PTPN23: variants seen among roughly 807,000 people sequenced by gnomAD.
The protein encoded by PTPN23 is tyrosine-protein phosphatase non-receptor type 23.
PTPN23 carries 72 observed loss-of-function variants against 156.3 expected under a neutral mutation model. That is an observed-to-expected ratio of 0.46 (90% confidence interval 0.38 to 0.56). The LOEUF (loss-of-function observed/expected upper bound fraction) is 0.56. PTPN23 is among the 20% of genes least tolerant of loss of function. The probability of loss-of-function intolerance (pLI) is 0.00; values close to 1 mark genes in which losing one functional copy is unlikely to be tolerated. For missense variants in PTPN23, 1,974 were observed against 2,171.5 expected, an observed-to-expected ratio of 0.91 and a Z score of 1.81; for synonymous variants, 957 against 899.6, an observed-to-expected ratio of 1.06 and a Z score of -1.14.
intron 1 of PTPN23, among the ~76,000 whole-genome samples, chr3:47,392,118 T>C (rs1704787194): frequency 6.6e-6 from 1 of 152,150 alleles, no homozygotes; most frequent in African/African-American, 2.4e-5. Flanking sequence ...ACTCCTGGGC[T>C]CAAACGATCG....
In PTPN23 at chr3:47,412,695, T is replaced by A. The variant is rs754570814; in HGVS notation, c.4432-11T>A. 2 of 1,597,722 alleles carry A rather than the reference T, an allele frequency of 1.3e-6. No homozygotes were observed. The highest frequency in any genetic ancestry group is 2.7e-5 in the African/African-American group (2 of 74,700). ...TGGGACTCCCTCTCCTCACTCACTC[T>A]GTCTTCTCAGAACCACCTTCCTCAG... On this transcript the variant is annotated splice_polypyrimidine_tract_variant and intron_variant, in intron 24 of 24. Transcript: ENST00000265562.
At chr3:47,386,265 A>G (rs1576209031) in intron 1 of PTPN23, among the ~76,000 whole-genome samples, 1 of 152,084 alleles carries the variant, frequency 6.6e-6, no homozygotes, top group African/African-American at 2.4e-5. Context: ...TCCTGGGTTC[A>G]AGCAGTTCTT....
chr3:47,382,767 C>T (rs1704574783), intron 1 of PTPN23, among the ~76,000 whole-genome samples: 2 of 135,224 alleles, frequency 1.5e-5, no homozygotes, highest in South Asian at 5.0e-4. Flanking sequence ...CAGCTCACTG[C>T]AAGCTCCGCC....
intron 1 of PTPN23, among the ~76,000 whole-genome samples, chr3:47,385,304 G>A (rs1213520380): frequency 2.6e-5 from 4 of 152,134 alleles, no homozygotes; most frequent in South Asian, 4.1e-4. Context: ...GAGCTGTTAC[G>A]TTCATCCCTG....
At chr3:47,386,205 C>T (rs936091090) in intron 1 of PTPN23, among the ~76,000 whole-genome samples, 1 of 151,388 alleles carries the variant, frequency 6.6e-6, no homozygotes, top group Non-Finnish European at 1.5e-5. Flanking sequence ...CGCTCTGTCA[C>T]CCAGGCTGGG....
At chr3:47,412,489 G>T in intron 23 of PTPN23, 25 bp from the exon 24 acceptor site, 1 of 1,612,156 alleles carries the variant, frequency 6.2e-7, no homozygotes, top group South Asian at 1.1e-5. Flanking sequence ...CTGCCCAGCT[G>T]ACCTGGCCAA....
Position 47,406,483 on chromosome 3 carries a change from G to A in PTPN23, c.630G>A (p.Val210=). ...ATTGGGCCCCACCCTGTTCTCAGGT[G>A]GTAGATTACTACAAGGAGGCATGCC... is the stretch of plus-strand genomic sequence containing the variant. The part of the protein sequence containing the change: ...SFLVARISAQ[V]VDYYKEACRA... The change falls in exon 8 of 25, where the codon GTG becomes GTA. Residue 210 remains valine (V), a splice_region_variant and synonymous_variant. Transcript: ENST00000265562. This position sits in a 1 kb window ranked among gnomAD's most constrained non-coding sequence, Gnocchi z 5.8. The A allele has an allele frequency of 6.2e-7, 1 of 1,613,978 alleles. No individual in the cohort carries two copies. The highest frequency in any genetic ancestry group is 8.5e-7 in the Non-Finnish European group (1 of 1,180,002).
Position 47,406,305 on chromosome 3 carries a change from C to T in PTPN23, c.547-20C>T, listed in dbSNP as rs1164277644. 2 of 1,612,618 alleles carry T rather than the reference C, an allele frequency of 1.2e-6. No homozygotes were observed. Among genetic ancestry groups the T allele is most frequent in the Non-Finnish European group, 1.7e-6 (2 of 1,179,632 alleles). On this transcript the variant is annotated intron_variant, in intron 6 of 24. Transcript: ENST00000265562. This position sits in a 1 kb window ranked among gnomAD's most constrained non-coding sequence, Gnocchi z 5.8. Reference sequence around the variant, plus strand: ...GAGGCCTTGGGTGAGCGAGGGAGTGCACCTCACGTGTCGCCCCAGGGCCAG... The same window carrying T: ...GAGGCCTTGGGTGAGCGAGGGAGTGTACCTCACGTGTCGCCCCAGGGCCAG...
At chr3:47,402,711 G>GT (rs1487936503) in intron 2 of PTPN23, among the ~76,000 whole-genome samples, 3 of 151,786 alleles carry the variant, frequency 2.0e-5, no homozygotes, top group African/African-American at 7.3e-5. Flanking sequence ...GGGTTTTTTT[G>GT]TTTTTTCTTT....
chr3:47,413,320 C>G lies in PTPN23; in HGVS notation c.*135C>G. ...TGCCTTTGGCCCTGCCTGGCCCAGC[C>G]TGCACCCCTGTGGGGTGGAAATGTA... On this transcript the variant is annotated 3_prime_UTR_variant, in exon 25 of 25. Coordinates refer to ENST00000265562, the MANE Select transcript of PTPN23 (RefSeq NM_015466.4). 7.8e-7 allele frequency: 1 copy of G among 1,279,988 alleles called. No individual in the cohort carries two copies. The highest frequency in any genetic ancestry group is 2.3e-5 in the Admixed American group (1 of 43,602). The allele number at this position is 1,279,988 out of a possible 1,614,324, so 79.3% of individuals were successfully genotyped here. A position where few individuals can be genotyped will look rare whatever the true frequency, so the allele number is the denominator to read the frequency against.
intron 1 of PTPN23, among the ~76,000 whole-genome samples, chr3:47,383,849 G>A (rs1038229206): frequency 2.6e-5 from 4 of 152,102 alleles, no homozygotes; most frequent in Non-Finnish European, 5.9e-5. Context: ...GACACTGGAG[G>A]AGACTGTGCA....
In PTPN23 at chr3:47,411,073, C is replaced by T; in HGVS notation, c.3275C>T (p.Pro1092Leu). Reference sequence around the variant, plus strand: ...CTGGTGCCTTCACCTGCCCCATCTCCAGGGCCTGGTCCGGTACCCCCTCGC... The same window carrying T: ...CTGGTGCCTTCACCTGCCCCATCTCTAGGGCCTGGTCCGGTACCCCCTCGC... Reference protein sequence around the residue: ...PHLVPSPAPSPGPGPVPPRPP... With the variant: ...PHLVPSPAPSLGPGPVPPRPP... Residue 1092 changes from proline (P) to leucine (L), a missense_variant, in exon 20 of 25, where the codon CCA becomes CTA. By Grantham distance (98) the Pro-to-Leu change is moderately conservative (BLOSUM62 -3). Transcript: ENST00000265562. This position sits in a 1 kb window ranked among gnomAD's most constrained non-coding sequence, Gnocchi z 6.3. 1.3e-6 allele frequency: 2 copies of T among 1,587,342 alleles called. No individual in the cohort carries two copies. The highest frequency in any genetic ancestry group is 1.7e-6 in the Non-Finnish European group (2 of 1,167,946).
chr3:47,409,832 C>G lies in PTPN23; in HGVS notation c.2127C>G (p.Asp709Glu). The change falls in exon 19 of 25, where the codon GAC becomes GAG. Residue 709 changes from aspartate to glutamate, a missense_variant and splice_region_variant. Asp to Glu is a conservative substitution (Grantham distance 45). Around this residue, in one of 4 missense-constraint regions of PTPN23, gnomAD observed 731 missense variants for 669.1 expected, o/e 1.09. Coordinates refer to ENST00000265562, the MANE Select transcript of PTPN23 (RefSeq NM_015466.4). ...AREAARQQLL[D>E]RELKKKPPPR... ...AGGCTGCCCGCCAGCAGCTCCTGGA[C>G]AGGTTTGTGTGGCCCTGGGGCTGTG... The G allele has an allele frequency of 6.2e-7, 1 of 1,610,170 alleles. No homozygotes were observed. The highest frequency in any genetic ancestry group is 8.5e-7 in the Non-Finnish European group (1 of 1,178,778).
At chr3:47,388,313 G>A (rs1002304341) in intron 1 of PTPN23, among the ~76,000 whole-genome samples, 2 of 152,040 alleles carry the variant, frequency 1.3e-5, no homozygotes, top group African/African-American at 4.8e-5. Context: ...GTCTCAAGTG[G>A]TCCGTCCACC....
chr3:47,392,817 G>A (rs995791134), intron 1 of PTPN23, among the ~76,000 whole-genome samples: 1 of 151,946 alleles, frequency 6.6e-6, no homozygotes, highest in Admixed American at 6.6e-5. Flanking sequence ...TAGAAAAATT[G>A]GAAGAATAAT....
chr3:47,405,660 ATT>A lies in PTPN23; in HGVS notation c.365-88_365-87del, dbSNP rs1189616520. The A allele has an allele frequency of 9.6e-6, 13 of 1,350,308 alleles. No homozygotes were observed. The African/African-American group carries it at 1.6e-4, about 17-fold the overall frequency. The allele number at this position is 1,350,308 out of a possible 1,614,324, so 83.6% of individuals were successfully genotyped here. A position where few individuals can be genotyped will look rare whatever the true frequency, so the allele number is the denominator to read the frequency against. On this transcript the variant is annotated intron_variant, in intron 4 of 24. Transcript: ENST00000265562. This position sits in a 1 kb window ranked among gnomAD's most constrained non-coding sequence, Gnocchi z 4.7. ...TGGTTCTCAGAGCCATGTTGTCCTGATTGTGGATAACAGCAGTGCCCCCTCTG... is the reference window on the plus strand; with the variant it reads ...TGGTTCTCAGAGCCATGTTGTCCTGAGTGGATAACAGCAGTGCCCCCTCTG...
Position 47,408,984 on chromosome 3 carries a change from T to G in PTPN23, c.1539T>G (p.Ser513Arg). Residue 513 changes from serine to arginine, a missense_variant, in exon 16 of 25, where the codon AGT becomes AGG. Transcript: ENST00000265562. The stretch of plus-strand genomic sequence containing the variant: ...ATGAGAAGGCCTCCTTCACCAACAG[T>G]GAGCTGCACCGTGCCATGAACCTGC... The part of the protein sequence containing the change: ...EVHEKASFTN[S>R]ELHRAMNLHV... The G allele has an allele frequency of 6.2e-7, 1 of 1,614,116 alleles. No individual in the cohort carries two copies. Among genetic ancestry groups the G allele is most frequent in the Non-Finnish European group, 8.5e-7 (1 of 1,180,008 alleles).
chr3:47,397,303 C>T (rs905731343), intron 2 of PTPN23, among the ~76,000 whole-genome samples: 2 of 152,116 alleles, frequency 1.3e-5, no homozygotes, highest in African/African-American at 4.8e-5. Context: ...AAAATGGTGC[C>T]GACAGGCCTG....
At chr3:47,408,102 G>A in intron 14 of PTPN23, 147 bp downstream of exon 14, 1 of 1,061,210 alleles carries the variant, frequency 9.4e-7, no homozygotes, top group South Asian at 1.4e-5. Flanking sequence ...GGGTGGTGGG[G>A]CTAGTGTGTA....
Sources: allele counts gnomAD v4.1 joint callset (sites outside exome capture counted in the v4.1 genomes callset), GRCh38; gene constraint gnomAD v4.1.1; regional missense constraint gnomAD v4.1.1; non-coding constraint Gnocchi (gnomAD v3.1); transcripts MANE v1.5; gene names NCBI Gene and HGNC (gene_info 2026-07-23, HGNC 2026-07-21).